Variants in TMTC1 observed in about 807,000 individuals in gnomAD.
TMTC1 encodes the protein protein O-mannosyl-transferase TMTC1.
TMTC1 carries 73 observed loss-of-function variants against 104.8 expected under a neutral mutation model. The observed-to-expected ratio is 0.70, with a 90% CI of 0.58 to 0.85. The LOEUF is 0.85. Among genes scored for constraint, TMTC1 ranks in the 40% least tolerant of loss-of-function variants. The pLI is 0.00. For missense variants in TMTC1, 1,035 were observed against 1,096.1 expected (o/e 0.94, Z 0.79); for synonymous variants, 434 against 428.7 (o/e 1.01, Z -0.15).
rs1942345631 is a variant in TMTC1 at position 29,725,016 on chromosome 12, T to TTTTTTG, written c.938+26649_938+26650insCAAAAA. Among the ~76,000 whole-genome samples the TTTTTTG allele has an allele frequency of 1.6e-4, 4 of 25,096 alleles. 1 individual carries two copies. Among genetic ancestry groups the TTTTTTG allele is most frequent in the Non-Finnish European group, 2.8e-4 (4 of 14,458 alleles). 16.5% of individuals were successfully genotyped at this position (25,096 alleles called of 152,430 possible). A position where few individuals can be genotyped will look rare whatever the true frequency, so the allele number is the denominator to read the frequency against. ...TTTAGCTATATATCTGCCAAGTTCT[T>TTTTTTG]TTTTTTTTTTTTTTTTTTTTTTGAG... On this transcript the variant is annotated intron_variant, in intron 5 of 17. Transcript: ENST00000539277.
intron 5 of TMTC1, chr12:29,666,369 C>A: frequency 2.9e-6 from 1 of 340,220 alleles, no homozygotes. Flanking sequence ...CTGGGACTAC[C>A]ACCATGCCTG....
chr12:29,541,937 A>T (rs903810276), intron 10 of TMTC1, among the ~76,000 whole-genome samples: 1 of 152,194 alleles, frequency 6.6e-6, no homozygotes, highest in Non-Finnish European at 1.5e-5. Context: ...GATTACAGGC[A>T]TGAGCCACCT....
At chr12:29,608,927 G>A (rs1946772534) in intron 6 of TMTC1, among the ~76,000 whole-genome samples, 1 of 152,032 alleles carries the variant, frequency 6.6e-6, no homozygotes, top group Non-Finnish European at 1.5e-5. Flanking sequence ...CTTTCAAAGT[G>A]CAATTCACAG....
At chr12:29,742,257 G>C (rs1028093880) in intron 5 of TMTC1, among the ~76,000 whole-genome samples, 7 of 152,240 alleles carry the variant, frequency 4.6e-5, no homozygotes, top group African/African-American at 1.7e-4. Flanking sequence ...GTTTGGGTTT[G>C]ATTGTATTAT....
chr12:29,697,234 T>G (rs2136781417), intron 5 of TMTC1, among the ~76,000 whole-genome samples: 1 of 152,370 alleles, frequency 6.6e-6, no homozygotes, highest in South Asian at 2.1e-4. Flanking sequence ...TGAATTTCAC[T>G]TCTTCCACCT....
chr12:29,783,943 A>C, upstream of TMTC1: 1 of 324,086 alleles, frequency 3.1e-6, no homozygotes, highest in Non-Finnish European at 4.6e-6. This position sits in a 1 kb window ranked among gnomAD's most constrained non-coding sequence, Gnocchi z 4.7. Context: ...GCAAATAAAC[A>C]GCAGTCCCCC....
At chr12:29,737,804 T>C (rs992382836) in intron 5 of TMTC1, among the ~76,000 whole-genome samples, 11 of 152,176 alleles carry the variant, frequency 7.2e-5, no homozygotes, top group Non-Finnish European at 1.5e-4. Context: ...TTTCCACATG[T>C]AGGAAGACCT....
intron 9 of TMTC1, among the ~76,000 whole-genome samples, chr12:29,566,210 G>A (rs1455930493): frequency 6.6e-6 from 1 of 152,078 alleles, no homozygotes; most frequent in Non-Finnish European, 1.5e-5. Flanking sequence ...AGGGGGGAAG[G>A]GTTCTAGGAG....
chr12:29,542,173 G>A (rs945127478), intron 10 of TMTC1, among the ~76,000 whole-genome samples: 4 of 152,056 alleles, frequency 2.6e-5, no homozygotes, highest in East Asian at 1.9e-4. Context: ...AGATAAAATC[G>A]AACATCAGTA....
At chr12:29,664,333 C>A (rs1227074086) in intron 5 of TMTC1, among the ~76,000 whole-genome samples, 2 of 152,208 alleles carry the variant, frequency 1.3e-5, no homozygotes, top group East Asian at 3.9e-4. Context: ...ATTTCTATTT[C>A]TAGTTGTTGA....
intron 5 of TMTC1, among the ~76,000 whole-genome samples, chr12:29,726,735 C>T (rs2136902193): frequency 6.6e-6 from 1 of 152,298 alleles, no homozygotes; most frequent in African/African-American, 2.4e-5. Flanking sequence ...CAACATGGTG[C>T]TCTCCAGCCA....
intron 7 of TMTC1, among the ~76,000 whole-genome samples, chr12:29,591,928 C>CAAAACAAAAG (rs530438588): frequency 0.024 from 3,576 of 152,142 alleles, 135 homozygotes; most frequent in African/African-American, 0.081. Flanking sequence ...CAAAACAAAA[C>CAAAACAAAAG]AAAACACTTC....
chr12:29,562,946 TCA>T (rs574542679), intron 9 of TMTC1, among the ~76,000 whole-genome samples: 104 of 152,238 alleles, frequency 6.8e-4, no homozygotes, highest in African/African-American at 2.5e-3. Flanking sequence ...CTCTGAAAAA[TCA>T]CACTCTTCAC....
intron 1 of TMTC1, among the ~76,000 whole-genome samples, chr12:29,780,028 A>G (rs954042652): frequency 5.3e-5 from 8 of 152,214 alleles, no homozygotes; most frequent in African/African-American, 1.9e-4. Context: ...GCTGGCAGAA[A>G]TGCACAGAAA....
At chr12:29,519,604 C>G (rs1459709472) in intron 12 of TMTC1, 1 of 152,140 alleles carries the variant, frequency 6.6e-6, no homozygotes, top group Non-Finnish European at 1.5e-5. Flanking sequence ...GAGCCTCTGT[C>G]TCTGGAGGCA....
At chr12:29,723,098 A>C (rs1942284773) in intron 5 of TMTC1, among the ~76,000 whole-genome samples, 1 of 152,052 alleles carries the variant, frequency 6.6e-6, no homozygotes, top group Non-Finnish European at 1.5e-5. Flanking sequence ...AAAAATAAGG[A>C]GTCTAAGAAG....
At chr12:29,571,445 C>T (rs1028064533) in intron 9 of TMTC1, among the ~76,000 whole-genome samples, 24 of 152,034 alleles carry the variant, frequency 1.6e-4, no homozygotes, top group Admixed American at 8.5e-4. Context: ...TGGGTACTTC[C>T]GCTTCTGATA....
chr12:29,590,395 A>C (rs539195989), intron 7 of TMTC1, among the ~76,000 whole-genome samples: 2 of 152,340 alleles, frequency 1.3e-5, no homozygotes, highest in East Asian at 3.9e-4. Context: ...TTAACAATGG[A>C]TAGCCAACAC....
intron 2 of TMTC1, among the ~76,000 whole-genome samples, chr12:29,763,321 T>C (rs1943394352): frequency 6.6e-6 from 1 of 152,248 alleles, no homozygotes; most frequent in South Asian, 2.1e-4. Flanking sequence ...TGAACACCTA[T>C]TCTATACCCC....
Sources: allele counts gnomAD v4.1 joint callset (sites outside exome capture counted in the v4.1 genomes callset), GRCh38; gene constraint gnomAD v4.1.1; non-coding constraint Gnocchi (gnomAD v3.1); transcripts MANE v1.5; gene names NCBI Gene and HGNC (gene_info 2026-07-23, HGNC 2026-07-21).